Variants in CDH18 observed in about 807,000 individuals in gnomAD.
CDH18 encodes cadherin 18, also known as cadherin-18.
A neutral mutation model predicts 67.9 loss-of-function variants in CDH18; 31 were observed. That is an observed-to-expected ratio of 0.46 (90% CI 0.34 to 0.62). CDH18 has a LOEUF of 0.62. Among genes scored for constraint, CDH18 ranks in the 20% least tolerant of loss-of-function variants. The probability of loss-of-function intolerance (pLI) is 0.01; values close to 1 mark genes in which losing one functional copy is unlikely to be tolerated. For missense variants in CDH18, 890 were observed against 975.5 expected (o/e 0.91, Z 1.17); for synonymous variants, 362 against 347.2 (o/e 1.04, Z -0.48).
intron 1 of CDH18, among the ~76,000 whole-genome samples, chr5:20,330,464 G>A (rs1345989535): frequency 6.6e-6 from 1 of 152,142 alleles, no homozygotes; most frequent in African/African-American, 2.4e-5. Context: ...TCTTCCAATA[G>A]ATAGAAACAC....
chr5:20,094,656 CTCTCTTTGAAGAGG>C (rs1745726799), intron 2 of CDH18, among the ~76,000 whole-genome samples: 1 of 152,006 alleles, frequency 6.6e-6, no homozygotes, highest in African/African-American at 2.4e-5. Flanking sequence ...TGGTTTGTAG[CTCTCTTTGAAGAGG>C]TCCTTCACAT....
intron 2 of CDH18, among the ~76,000 whole-genome samples, chr5:20,199,485 T>A (rs1215487504): frequency 6.6e-6 from 1 of 152,206 alleles, no homozygotes; most frequent in East Asian, 1.9e-4. Context: ...ACCCCTATAG[T>A]ATCTAGGAAG....
intron 2 of CDH18, among the ~76,000 whole-genome samples, chr5:20,143,518 C>T (rs1243941589): frequency 6.6e-6 from 1 of 152,040 alleles, no homozygotes; most frequent in East Asian, 1.9e-4. Flanking sequence ...TACGCATGCA[C>T]CGCTATGCCC....
intron 3 of CDH18, among the ~76,000 whole-genome samples, chr5:19,829,625 C>T (rs183504359): frequency 6.1e-4 from 93 of 152,206 alleles, no homozygotes; most frequent in Non-Finnish European, 1.0e-3. Context: ...ATTGTTAAAA[C>T]GGCCATACTG....
At chr5:19,647,258 C>G (rs929057675) in intron 5 of CDH18, among the ~76,000 whole-genome samples, 7 of 151,940 alleles carry the variant, frequency 4.6e-5, no homozygotes, top group African/African-American at 1.7e-4. Flanking sequence ...TGCAGTGACT[C>G]ACGCCTACAA....
chr5:20,484,042 G>T (rs1752999056), intron 1 of CDH18, among the ~76,000 whole-genome samples: 1 of 150,132 alleles, frequency 6.7e-6, no homozygotes, highest in Non-Finnish European at 1.5e-5. Flanking sequence ...TCTGACAAAG[G>T]ATTAATAACA....
At chr5:20,335,623 G>T (rs961435340) in intron 1 of CDH18, among the ~76,000 whole-genome samples, 20 of 152,238 alleles carry the variant, frequency 1.3e-4, no homozygotes, top group African/African-American at 4.8e-4. Context: ...CTGAAAATAT[G>T]CATACTTCAA....
intron 4 of CDH18, among the ~76,000 whole-genome samples, chr5:19,725,698 G>A (rs1284349705): frequency 6.6e-6 from 1 of 152,152 alleles, no homozygotes; most frequent in African/African-American, 2.4e-5. Context: ...GAACCCGGGA[G>A]GCAGAGATTG....
At chr5:19,861,596 A>G (rs1158252426) in intron 2 of CDH18, among the ~76,000 whole-genome samples, 1 of 152,174 alleles carries the variant, frequency 6.6e-6, no homozygotes, top group African/African-American at 2.4e-5. Flanking sequence ...CAATTGACAG[A>G]GTAGAGAGAG....
At chr5:20,120,644 C>G (rs1224329078) in intron 2 of CDH18, among the ~76,000 whole-genome samples, 6 of 152,070 alleles carry the variant, frequency 3.9e-5, no homozygotes, top group Non-Finnish European at 7.4e-5. Context: ...ATGCAATACA[C>G]TGTTCTTTCT....
intron 7 of CDH18, among the ~76,000 whole-genome samples, chr5:19,581,935 C>T (rs531506840): frequency 2.6e-5 from 4 of 152,012 alleles, no homozygotes; most frequent in South Asian, 4.1e-4. Context: ...CTGTGGAAAC[C>T]GGAGTATATG....
intron 1 of CDH18, among the ~76,000 whole-genome samples, chr5:20,328,127 T>TG (rs1738783393): frequency 2.0e-5 from 3 of 151,858 alleles, no homozygotes; most frequent in Non-Finnish European, 2.9e-5. Context: ...AAGGAAGCCT[T>TG]TAGGGGCTTT....
chr5:19,625,784 CAGA>C (rs902375583), intron 5 of CDH18, among the ~76,000 whole-genome samples: 20 of 152,020 alleles, frequency 1.3e-4, no homozygotes, highest in African/African-American at 4.8e-5. Context: ...GGTAGAGCCA[CAGA>C]AGTTCACCCC....
intron 2 of CDH18, among the ~76,000 whole-genome samples, chr5:20,198,267 T>G (rs1739149948): frequency 6.6e-6 from 1 of 152,114 alleles, no homozygotes; most frequent in African/African-American, 2.4e-5. Context: ...GACAGAAAGA[T>G]GTGGGAAAGT....
chr5:20,307,060 C>T lies in CDH18; in HGVS notation c.-579-51555G>A, dbSNP rs75351612. 1.5e-3 allele frequency among the ~76,000 whole-genome samples: 221 copies of T among 152,100 alleles called. 3 individuals carry two copies. The highest frequency in any genetic ancestry group is 5.0e-3 in the African/African-American group (207 of 41,494). On this transcript the variant is annotated intron_variant, in intron 1 of 14. Transcript: ENST00000507958. ...ACATATTAAGAAGATGTGACAGTCT[C>T]GGAAATGAGGGATAGCCTCCTGAAA...
At chr5:19,783,517 T>G (rs1047361850) in intron 3 of CDH18, among the ~76,000 whole-genome samples, 3 of 152,172 alleles carry the variant, frequency 2.0e-5, no homozygotes, top group African/African-American at 7.2e-5. Flanking sequence ...CACCTGAGCA[T>G]ACTAGTGATT....
At chr5:20,370,218 G>T (rs1378896633) in intron 1 of CDH18, among the ~76,000 whole-genome samples, 1 of 151,128 alleles carries the variant, frequency 6.6e-6, no homozygotes, top group Non-Finnish European at 1.5e-5. Flanking sequence ...TACTATCCTT[G>T]TCACCGTCAT....
chr5:19,995,602 TAAAAAAA>T (rs546777102), intron 2 of CDH18, among the ~76,000 whole-genome samples: 4 of 122,714 alleles, frequency 3.3e-5, no homozygotes, highest in Non-Finnish European at 5.4e-5. Context: ...TTGCAAGCTT[TAAAAAAA>T]AAAAAAAAAA....
chr5:19,549,653 GGGAA>G (rs1264723534), intron 8 of CDH18, among the ~76,000 whole-genome samples: 2 of 147,432 alleles, frequency 1.4e-5, no homozygotes, highest in Non-Finnish European at 3.0e-5. Context: ...GAGGGAGAGA[GGGAA>G]GGAAGGGAGG....
Sources: allele counts gnomAD v4.1 joint callset (sites outside exome capture counted in the v4.1 genomes callset), GRCh38; gene constraint gnomAD v4.1.1; transcripts MANE v1.5; gene names NCBI Gene and HGNC (gene_info 2026-07-23, HGNC 2026-07-21).